Variants in COL23A1 observed in about 807,000 individuals in gnomAD.
COL23A1 encodes the protein collagen type XXIII alpha 1 chain, also known as collagen alpha-1(XXIII) chain.
In COL23A1, 97 loss-of-function variants were observed where a neutral mutation model predicts 99.3. The observed-to-expected ratio is 0.98, with a 90% CI of 0.83 to 1.16. COL23A1 has a LOEUF of 1.16. COL23A1 is among the 50% of genes most tolerant of loss of function. The probability of loss-of-function intolerance (pLI) is 0.00; values close to 1 mark genes in which losing one functional copy is unlikely to be tolerated. For synonymous variants in COL23A1, 320 were observed against 308.2 expected, an observed-to-expected ratio of 1.04 and a Z score of -0.40; for missense variants, 762 against 757.4, an observed-to-expected ratio of 1.01 and a Z score of -0.07.
At chr5:178,376,999 T>C (rs1763102804) in intron 2 of COL23A1, among the ~76,000 whole-genome samples, 3 of 152,142 alleles carry the variant, frequency 2.0e-5, no homozygotes, top group Non-Finnish European at 4.4e-5. Flanking sequence ...CCACAGAAAC[T>C]GGACTACTCA....
chr5:178,302,707 G>A (rs577655790), intron 3 of COL23A1, among the ~76,000 whole-genome samples: 2 of 152,290 alleles, frequency 1.3e-5, no homozygotes, highest in Admixed American at 1.3e-4. Context: ...TATTTTTATT[G>A]TAAGTTTTCA....
At chr5:178,311,515 T>TGC (rs1229337034) in intron 2 of COL23A1, among the ~76,000 whole-genome samples, 29 of 49,370 alleles carry the variant, frequency 5.9e-4, no homozygotes, top group African/African-American at 2.0e-3. Flanking sequence ...TGCGCGTGTG[T>TGC]GTGTGTGTGT....
In COL23A1 at chr5:178,589,898, G is replaced by A. The variant is rs2113779368; in HGVS notation, c.294+6C>T. ...GTCCGCCCCAGCCACGCGCCAAGAC[G>A]CTCACCTCCCGCAGCAGGCGCTCCA... On this transcript the variant is annotated splice_donor_region_variant and intron_variant, in intron 1 of 28. Coordinates refer to ENST00000390654, the MANE Select transcript of COL23A1 (RefSeq NM_173465.4). The surrounding 1 kb of genome is among the most constrained non-coding windows in gnomAD (Gnocchi z 5.4). 3.8e-6 allele frequency: 5 copies of A among 1,309,408 alleles called. No individual in the cohort carries two copies. Among genetic ancestry groups the A allele is most frequent in the South Asian group, 4.4e-5 (2 of 45,686 alleles). The allele number at this position is 1,309,408 out of a possible 1,614,324, so 81.1% of individuals were successfully genotyped here.
At chr5:178,314,051 G>A (rs1014599065) in intron 2 of COL23A1, among the ~76,000 whole-genome samples, 8 of 152,136 alleles carry the variant, frequency 5.3e-5, no homozygotes, top group African/African-American at 1.2e-4. Context: ...GGTGTGTCCC[G>A]GTGGGTGTCT....
Position 178,518,519 on chromosome 5 carries a change from CA to C in COL23A1, c.361+42162del, listed in dbSNP as rs1257346937. ...CTCCCGGACGGGGTGGCTGGCCGGG[CA>C]GAGGGGCTCCTCACTTCTCAGACGG... On this transcript the variant is annotated intron_variant, in intron 2 of 28. Coordinates refer to ENST00000390654, the MANE Select transcript of COL23A1 (RefSeq NM_173465.4). Among the ~76,000 whole-genome samples, 1,051 of 150,728 alleles carry C rather than the reference CA, an allele frequency of 7.0e-3. 4 individuals carry two copies. Among genetic ancestry groups the C allele is most frequent in the African/African-American group, 0.024 (986 of 40,772 alleles).
rs115858850 is a variant in COL23A1 at position 178,517,033 on chromosome 5, G to A, written c.361+43649C>T. On this transcript the variant is annotated intron_variant, in intron 2 of 28. Coordinates refer to ENST00000390654, the MANE Select transcript of COL23A1 (RefSeq NM_173465.4). ...CACTGGGCCAGGACTCAGTGGGGAC[G>A]GGGCCTCCAGGCTGCGGGGTGCTGC... Among the ~76,000 whole-genome samples, 102 of 152,268 alleles carry A rather than the reference G, an allele frequency of 6.7e-4. 1 individual carries two copies. Among genetic ancestry groups the A allele is most frequent in the African/African-American group, 2.2e-3 (93 of 41,550 alleles).
chr5:178,462,229 C>T (rs1228893850), intron 2 of COL23A1, among the ~76,000 whole-genome samples: 1 of 152,162 alleles, frequency 6.6e-6, no homozygotes, highest in African/African-American at 2.4e-5. Context: ...ATGGAGTCTC[C>T]AAGAGGTTCC....
chr5:178,581,825 G>A (rs1763675715), intron 1 of COL23A1, among the ~76,000 whole-genome samples: 1 of 152,032 alleles, frequency 6.6e-6, no homozygotes, highest in South Asian at 2.1e-4. Flanking sequence ...CTAAAGATGA[G>A]CCATCACCTG....
chr5:178,266,699 G>A (rs1755923494), intron 8 of COL23A1, among the ~76,000 whole-genome samples: 1 of 152,182 alleles, frequency 6.6e-6, no homozygotes, highest in Non-Finnish European at 1.5e-5. Flanking sequence ...TCACAGCTCA[G>A]GGGCTTGGCC....
intron 2 of COL23A1, among the ~76,000 whole-genome samples, chr5:178,494,559 C>T (rs1346058123): frequency 6.6e-6 from 1 of 152,166 alleles, no homozygotes; most frequent in Non-Finnish European, 1.5e-5. Flanking sequence ...CCTGTAATCC[C>T]AGCTACCTGG....
In COL23A1 at chr5:178,324,129, G is replaced by A. The variant is rs535766894; in HGVS notation, c.362-17210C>T. On this transcript the variant is annotated intron_variant, in intron 2 of 28. Coordinates refer to ENST00000390654, the MANE Select transcript of COL23A1 (RefSeq NM_173465.4). ...TCCTGTGCTGTGAGGGGTGTGGGTG[G>A]GCTGAGGCCCTTTTGGGGGCACGAG... Among the ~76,000 whole-genome samples, 475 of 152,160 alleles carry A rather than the reference G, an allele frequency of 3.1e-3. 7 individuals carry two copies. The highest frequency in any genetic ancestry group is 0.014 in the Middle Eastern group (4 of 294).
chr5:178,569,353 A>G (rs1762978500), intron 1 of COL23A1, among the ~76,000 whole-genome samples: 1 of 152,198 alleles, frequency 6.6e-6, no homozygotes, highest in Non-Finnish European at 1.5e-5. Context: ...CTTGATCAGG[A>G]TTCTAACCAC....
rs1758482842 is a variant in COL23A1, at chr5:178,308,388, CCT to C, written c.362-1471_362-1470del. 6.6e-6 allele frequency among the ~76,000 whole-genome samples: 1 copy of C among 152,150 alleles called. No homozygotes were observed. The highest frequency in any genetic ancestry group is 2.4e-5 in the African/African-American group (1 of 41,438). ...TGAAAAACATGTTACTTCTTGCTCC[CCT>C]GAGTTTTAAGGGCAAAAGTGCATGC... On this transcript the variant is annotated intron_variant, in intron 2 of 28. Coordinates refer to ENST00000390654, the MANE Select transcript of COL23A1 (RefSeq NM_173465.4). The surrounding 1 kb of genome is among the most constrained non-coding windows in gnomAD (Gnocchi z 5.1).
intron 2 of COL23A1, among the ~76,000 whole-genome samples, chr5:178,557,948 C>T (rs1245153591): frequency 2.0e-5 from 3 of 152,010 alleles, no homozygotes; most frequent in Non-Finnish European, 4.4e-5. Flanking sequence ...CTAGGGTCGT[C>T]ATGCTGCACC....
intron 1 of COL23A1, among the ~76,000 whole-genome samples, chr5:178,573,858 C>CTTTTTTTTTTT (rs34916378): frequency 6.7e-6 from 1 of 148,830 alleles, no homozygotes. Context: ...CCATAGGGTT[C>CTTTTTTTTTTT]TTTTTTTTTT....
intron 2 of COL23A1, among the ~76,000 whole-genome samples, chr5:178,422,159 GCA>G (rs1425269104): frequency 1.3e-5 from 2 of 152,156 alleles, no homozygotes; most frequent in African/African-American, 4.8e-5. Context: ...TTTGAAGAGC[GCA>G]CAGTGTCTGG....
chr5:178,278,351 A>G (rs767582824), intron 5 of COL23A1, among the ~76,000 whole-genome samples: 4 of 152,108 alleles, frequency 2.6e-5, no homozygotes, highest in Non-Finnish European at 4.4e-5. Context: ...TCCACAGACA[A>G]TTGTCACCCA....
chr5:178,333,245 C>T (rs1031803900), intron 2 of COL23A1, among the ~76,000 whole-genome samples: 2 of 152,268 alleles, frequency 1.3e-5, no homozygotes, highest in African/African-American at 2.4e-5. Flanking sequence ...CGTGAGCCAC[C>T]GCGCCCGGCC....
chr5:178,403,136 A>AGAG (rs1561940777), intron 2 of COL23A1, among the ~76,000 whole-genome samples: 3,583 of 145,590 alleles, frequency 0.025, 297 homozygotes, highest in African/African-American at 0.086. Flanking sequence ...ATAAATAAAA[A>AGAG]ATAAATACCA....
Sources: allele counts gnomAD v4.1 joint callset (sites outside exome capture counted in the v4.1 genomes callset), GRCh38; gene constraint gnomAD v4.1.1; non-coding constraint Gnocchi (gnomAD v3.1); transcripts MANE v1.5; gene names NCBI Gene and HGNC (gene_info 2026-07-23, HGNC 2026-07-21).